The following ARHGAP26 variants were observed in gnomAD, a reference collection of about 807,000 sequenced individuals.
The protein encoded by ARHGAP26 is rho GTPase-activating protein 26.
In ARHGAP26, 38 loss-of-function variants were observed where a neutral mutation model predicts 104.8. The observed-to-expected ratio is 0.36, with a 90% confidence interval of 0.28 to 0.48. The LOEUF (loss-of-function observed/expected upper bound fraction) is 0.48, where lower values mean the gene tolerates loss of function less well. Among genes scored for constraint, ARHGAP26 ranks in the 20% least tolerant of loss-of-function variants. The pLI is 0.99. For missense variants in ARHGAP26, 704 were observed against 947.9 expected (o/e 0.74, Z 3.38); for synonymous variants, 341 against 340.0 (o/e 1.00, Z -0.03).
chr5:143,214,202 A>G (rs1213488962), intron 22 of ARHGAP26, 114 bp downstream of exon 22: 1 of 689,554 alleles, frequency 1.5e-6, no homozygotes, highest in Non-Finnish European at 2.5e-6. Context: ...TACAATGGGT[A>G]AGAAAAAAAG....
chr5:143,188,021 G>T (rs1349690074), intron 20 of ARHGAP26, among the ~76,000 whole-genome samples: 1 of 152,176 alleles, frequency 6.6e-6, no homozygotes, highest in Admixed American at 6.5e-5. Flanking sequence ...AGCCCAGTCT[G>T]ATCCCTCCCT....
chr5:142,789,617 C>T (rs1759378392), intron 1 of ARHGAP26, among the ~76,000 whole-genome samples: 5 of 152,152 alleles, frequency 3.3e-5, no homozygotes, highest in Admixed American at 3.3e-4. Context: ...AAAAAGTTGC[C>T]TTATTTATAT....
intron 18 of ARHGAP26, among the ~76,000 whole-genome samples, chr5:143,130,954 A>G (rs1312431660): frequency 6.6e-6 from 1 of 152,246 alleles, no homozygotes; most frequent in Non-Finnish European, 1.5e-5. Flanking sequence ...CTTGCACATT[A>G]TCTCATTTGA....
chr5:142,800,439 G>C (rs891718109), intron 1 of ARHGAP26, among the ~76,000 whole-genome samples: 1 of 150,680 alleles, frequency 6.6e-6, no homozygotes, highest in Non-Finnish European at 1.5e-5. Flanking sequence ...GCGTGATCTC[G>C]GCTTACTGCA....
chr5:142,972,223 G>A (rs1598438219), intron 11 of ARHGAP26, among the ~76,000 whole-genome samples: 1 of 151,722 alleles, frequency 6.6e-6, no homozygotes, highest in African/African-American at 2.4e-5. Flanking sequence ...TCTTGATGAG[G>A]AAGAGCAAGT....
chr5:143,138,356 T>A (rs1798134900), intron 19 of ARHGAP26, among the ~76,000 whole-genome samples: 1 of 152,160 alleles, frequency 6.6e-6, no homozygotes, highest in Non-Finnish European at 1.5e-5. Context: ...ATGAAAACTT[T>A]GTGGACAAGA....
At chr5:142,879,270 T>G (rs1334879084) in intron 3 of ARHGAP26, 104 bp from the exon 4 acceptor site, 1 of 1,083,956 alleles carries the variant, frequency 9.2e-7, no homozygotes. Flanking sequence ...CCTCCCCAAA[T>G]TTTATTTTAA....
In ARHGAP26 at chr5:142,949,184, A is replaced by AGAGAGAGAGAGAG. The variant is rs1216182568; in HGVS notation, c.1107+17060_1107+17072dup. 5.9e-3 allele frequency among the ~76,000 whole-genome samples: 138 copies of AGAGAGAGAGAGAG among 23,426 alleles called. 10 individuals carry two copies. Among genetic ancestry groups the AGAGAGAGAGAGAG allele is most frequent in the Non-Finnish European group, 8.7e-3 (115 of 13,266 alleles). The allele number at this position is 23,426 out of a possible 152,430, so 15.4% of individuals were successfully genotyped here. On this transcript the variant is annotated intron_variant, in intron 11 of 22. Coordinates refer to ENST00000645722, the MANE Select transcript of ARHGAP26 (RefSeq NM_001135608.3). ...AATTTCCAGAGAGAGAGAGAGAGAG[A>AGAGAGAGAGAGAG]GAGAGAGAGAGAGAGAGAGAGAGAG...
chr5:142,795,231 G>A (rs1760752188), intron 1 of ARHGAP26, among the ~76,000 whole-genome samples: 1 of 152,130 alleles, frequency 6.6e-6, no homozygotes, highest in Non-Finnish European at 1.5e-5. Context: ...TAATCTCTCA[G>A]AAACTCAGTT....
At chr5:142,869,151 G>C (rs931801483) in intron 1 of ARHGAP26, among the ~76,000 whole-genome samples, 2 of 151,658 alleles carry the variant, frequency 1.3e-5, no homozygotes, top group African/African-American at 4.8e-5. Flanking sequence ...TAACCTCAAT[G>C]ATGGCCTTTC....
intron 1 of ARHGAP26, among the ~76,000 whole-genome samples, chr5:142,787,995 C>CTTTTTT (rs71576156): frequency 0.094 from 12,420 of 132,520 alleles, 719 homozygotes; most frequent in African/African-American, 0.16. Context: ...TTAACCAATT[C>CTTTTTT]TTTTTTTTTT....
chr5:142,810,477 C>G (rs1319652576), intron 1 of ARHGAP26, among the ~76,000 whole-genome samples: 1 of 152,136 alleles, frequency 6.6e-6, no homozygotes, highest in Admixed American at 6.5e-5. Flanking sequence ...CTGTTCCTCT[C>G]CCCTCTCCCC....
At chr5:142,787,760 A>G (rs1373087921) in intron 1 of ARHGAP26, among the ~76,000 whole-genome samples, 1 of 152,230 alleles carries the variant, frequency 6.6e-6, no homozygotes, top group African/African-American at 2.4e-5. Flanking sequence ...TTACAGATGG[A>G]TAAAATAAAA....
intron 13 of ARHGAP26, among the ~76,000 whole-genome samples, chr5:143,040,479 A>G (rs1263498667): frequency 6.6e-6 from 1 of 152,178 alleles, no homozygotes; most frequent in Non-Finnish European, 1.5e-5. Flanking sequence ...ATTATCATGT[A>G]CCATATACTG....
chr5:142,881,444 T>G (rs1226800156), intron 4 of ARHGAP26, among the ~76,000 whole-genome samples: 1 of 152,166 alleles, frequency 6.6e-6, no homozygotes, highest in Non-Finnish European at 1.5e-5. Flanking sequence ...GTGGTATAGA[T>G]GGTGACATAC....
At chr5:142,861,592 G>A (rs1379718516) in intron 1 of ARHGAP26, among the ~76,000 whole-genome samples, 2 of 152,158 alleles carry the variant, frequency 1.3e-5, no homozygotes, top group South Asian at 2.1e-4. Flanking sequence ...GTAGGGGCCG[G>A]GTGGCTTCAT....
At chr5:142,894,463 C>G (rs1364323723) in intron 6 of ARHGAP26, 115 bp downstream of exon 6, 1 of 897,360 alleles carries the variant, frequency 1.1e-6, no homozygotes, top group Non-Finnish European at 1.7e-6. Context: ...AGCCCTGACA[C>G]TGTCCCTTCT....
At chr5:143,188,913 A>G (rs1262820637) in intron 20 of ARHGAP26, among the ~76,000 whole-genome samples, 1 of 152,216 alleles carries the variant, frequency 6.6e-6, no homozygotes, top group Admixed American at 6.5e-5. Flanking sequence ...GGTTACACAG[A>G]AGAAGAGAAG....
At chr5:143,055,421 GA>G (rs1484545819) in intron 15 of ARHGAP26, among the ~76,000 whole-genome samples, 1 of 152,194 alleles carries the variant, frequency 6.6e-6, no homozygotes, top group East Asian at 1.9e-4. Context: ...AATAAAATCT[GA>G]GCCAAGAATA....
Sources: allele counts gnomAD v4.1 joint callset (sites outside exome capture counted in the v4.1 genomes callset), GRCh38; gene constraint gnomAD v4.1.1; transcripts MANE v1.5; gene names NCBI Gene and HGNC (gene_info 2026-07-23, HGNC 2026-07-21).